B3GALT1: variants seen among roughly 807,000 people sequenced by gnomAD.
B3GALT1 encodes UDP-Gal:betaGlcNAc beta 1,3-galactosyltransferase, polypeptide 1.
A neutral mutation model predicts 23.2 loss-of-function variants in B3GALT1; 10 were observed. The ratio of observed to expected loss-of-function variants is 0.43; its 90% confidence interval spans 0.27 to 0.73. The LOEUF (loss-of-function observed/expected upper bound fraction) is 0.73, where lower values mean the gene tolerates loss of function less well. Ranked by LOEUF, B3GALT1 falls within the 30% of genes least tolerant of loss-of-function variation. B3GALT1 has a pLI of 0.21. For synonymous variants in B3GALT1, 156 were observed against 141.5 expected (o/e 1.10, Z -0.73); for missense variants, 299 against 405.4 (o/e 0.74, Z 2.25).
At chr2:167,648,741 C>G (rs944626140) in intron 3 of B3GALT1, among the ~76,000 whole-genome samples, 11 of 152,188 alleles carry the variant, frequency 7.2e-5, no homozygotes, top group African/African-American at 2.6e-4. Context: ...CCAACTCATC[C>G]TCTTTTATGG....
At chr2:167,844,325 C>T (rs1010626433) in intron 4 of B3GALT1, among the ~76,000 whole-genome samples, 3 of 152,172 alleles carry the variant, frequency 2.0e-5, no homozygotes, top group Non-Finnish European at 4.4e-5. Flanking sequence ...TCCAGATCGA[C>T]TGCAAGAACA....
intron 3 of B3GALT1, among the ~76,000 whole-genome samples, chr2:167,785,504 A>C (rs1195595480): frequency 6.6e-6 from 1 of 152,192 alleles, no homozygotes; most frequent in African/African-American, 2.4e-5. Context: ...TACCGTTCTA[A>C]TCAGGTTGTG....
intron 3 of B3GALT1, among the ~76,000 whole-genome samples, chr2:167,672,257 C>G (rs1048632492): frequency 3.8e-4 from 58 of 152,168 alleles, no homozygotes; most frequent in African/African-American, 1.3e-3. Flanking sequence ...CATGTTAGCC[C>G]TATGAACCAT....
chr2:167,608,438 G>A (rs1227530267), intron 2 of B3GALT1, among the ~76,000 whole-genome samples: 5 of 152,092 alleles, frequency 3.3e-5, no homozygotes, highest in African/African-American at 9.7e-5. Context: ...AGTTTAAAAC[G>A]CTTGTATTTA....
intron 2 of B3GALT1, among the ~76,000 whole-genome samples, chr2:167,545,108 C>T (rs1683610317): frequency 7.6e-6 from 1 of 131,222 alleles, no homozygotes; most frequent in African/African-American, 2.9e-5. Flanking sequence ...GATCTCTACT[C>T]ACTGCAAGCT....
intron 2 of B3GALT1, among the ~76,000 whole-genome samples, chr2:167,520,173 AC>A (rs1700167322): frequency 6.6e-6 from 1 of 152,104 alleles, no homozygotes; most frequent in Non-Finnish European, 1.5e-5. Context: ...CTCAACATAA[AC>A]CCCATCAAGA....
intron 2 of B3GALT1, among the ~76,000 whole-genome samples, chr2:167,564,231 C>A (rs1684099921): frequency 6.6e-6 from 1 of 151,190 alleles, no homozygotes; most frequent in African/African-American, 2.4e-5. Context: ...GACGGGGCGG[C>A]AGGGCAGAGG....
At chr2:167,371,407 A>G (rs747216567) in intron 1 of B3GALT1, among the ~76,000 whole-genome samples, 1 of 152,188 alleles carries the variant, frequency 6.6e-6, no homozygotes, top group Non-Finnish European at 1.5e-5. Context: ...TTTGGCTACT[A>G]GTAGTAATGT....
intron 2 of B3GALT1, among the ~76,000 whole-genome samples, chr2:167,587,379 TATACTC>T (rs1407541805): frequency 3.3e-5 from 5 of 152,224 alleles, no homozygotes; most frequent in African/African-American, 9.7e-5. Flanking sequence ...ACAAATTAAA[TATACTC>T]ATTAACTTAT....
chr2:167,806,056 T>C (rs763455224), intron 3 of B3GALT1, among the ~76,000 whole-genome samples: 1 of 152,174 alleles, frequency 6.6e-6, no homozygotes, highest in Admixed American at 6.5e-5. Context: ...CCCTTGTAAG[T>C]TGGATTCCTA....
intron 3 of B3GALT1, among the ~76,000 whole-genome samples, chr2:167,781,477 G>C (rs1213488838): frequency 1.3e-5 from 2 of 152,116 alleles, no homozygotes; most frequent in African/African-American, 4.8e-5. Context: ...ATTTAATAAG[G>C]CACACTGTGA....
At chr2:167,563,314 G>A (rs1347991881) in intron 2 of B3GALT1, among the ~76,000 whole-genome samples, 1 of 138,260 alleles carries the variant, frequency 7.2e-6, no homozygotes, top group Non-Finnish European at 1.5e-5. Flanking sequence ...CCGGGCAGAG[G>A]CGCCCCTCAC....
intron 1 of B3GALT1, among the ~76,000 whole-genome samples, chr2:167,482,321 A>T (rs933533707): frequency 6.6e-6 from 1 of 152,202 alleles, no homozygotes; most frequent in African/African-American, 2.4e-5. Context: ...AAACAAAAAC[A>T]TTTATTTTGA....
chr2:167,406,876 C>T (rs182424539), intron 1 of B3GALT1, among the ~76,000 whole-genome samples: 1 of 152,274 alleles, frequency 6.6e-6, no homozygotes, highest in Admixed American at 6.5e-5. Flanking sequence ...CCTCCCCATT[C>T]AGGACTGACA....
At chr2:167,820,257 C>T (rs1689078201) in intron 4 of B3GALT1, among the ~76,000 whole-genome samples, 1 of 152,074 alleles carries the variant, frequency 6.6e-6, no homozygotes, top group Non-Finnish European at 1.5e-5. Context: ...TTGCAATAAG[C>T]ACTATGAAGA....
intron 3 of B3GALT1, chr2:167,815,295 C>T (rs929669227): frequency 6.6e-6 from 1 of 152,240 alleles, no homozygotes; most frequent in Non-Finnish European, 1.5e-5. Flanking sequence ...CGAAAGTCCT[C>T]TGTTCTCTCT....
chr2:167,783,233 T>TA (rs1434034004), intron 3 of B3GALT1, among the ~76,000 whole-genome samples: 9 of 152,120 alleles, frequency 5.9e-5, no homozygotes, highest in Admixed American at 2.6e-4. Context: ...TCAATAAGGC[T>TA]AATCATTGAG....
At chr2:167,672,334 T>C (rs752372189) in intron 3 of B3GALT1, among the ~76,000 whole-genome samples, 10 of 152,086 alleles carry the variant, frequency 6.6e-5, no homozygotes, top group African/African-American at 1.9e-4. Flanking sequence ...TAAAAACATT[T>C]CATGTACCAA....
At chr2:167,469,410 T>G (rs1699393390) in intron 1 of B3GALT1, among the ~76,000 whole-genome samples, 1 of 152,236 alleles carries the variant, frequency 6.6e-6, no homozygotes, top group Non-Finnish European at 1.5e-5. Context: ...ATTCATTTAG[T>G]AAATAATGAC....
Sources: allele counts gnomAD v4.1 joint callset (sites outside exome capture counted in the v4.1 genomes callset), GRCh38; gene constraint gnomAD v4.1.1; transcripts MANE v1.5; gene names NCBI Gene and HGNC (gene_info 2026-07-23, HGNC 2026-07-21).